Variants in DNAH1 observed in about 807,000 individuals in gnomAD.
DNAH1 encodes the protein dynein axonemal heavy chain 1.
In DNAH1, 327 loss-of-function variants were observed where a neutral mutation model predicts 484.3. That is an observed-to-expected ratio of 0.68 (90% confidence interval 0.62 to 0.74). The LOEUF (loss-of-function observed/expected upper bound fraction) is 0.74, where lower values mean the gene tolerates loss of function less well. Ranked by LOEUF, DNAH1 falls within the 30% of genes least tolerant of loss-of-function variation. DNAH1 has a pLI of 0.00. For synonymous variants in DNAH1, 2,192 were observed against 2,191.9 expected, an observed-to-expected ratio of 1.00 and a Z score of 0.00; for missense variants, 5,052 against 5,546.8, an observed-to-expected ratio of 0.91 and a Z score of 2.83.
intron 22 of DNAH1, 80 bp downstream of exon 22, chr3:52,356,858 C>T: frequency 1.3e-6 from 2 of 1,487,602 alleles, no homozygotes; most frequent in Non-Finnish European, 1.8e-6. Context: ...CTAGTCTCTT[C>T]CCTCCCTACA....
At chr3:52,378,807 A>G in intron 47 of DNAH1, 27 bp downstream of exon 47, 1 of 1,612,696 alleles carries the variant, frequency 6.2e-7, no homozygotes, top group Non-Finnish European at 8.5e-7. Context: ...CACCCTCCCC[A>G]GTGCCCACAC....
intron 8 of DNAH1, among the ~76,000 whole-genome samples, chr3:52,342,141 GC>G (rs1445040210): frequency 6.6e-6 from 1 of 152,234 alleles, no homozygotes; most frequent in Non-Finnish European, 1.5e-5. Context: ...GGCAGAAGGA[GC>G]AGCAGTGCAG....
rs1704237435 is a variant in DNAH1 at position 52,388,825 on chromosome 3, A to T, written c.9383A>T (p.Asp3128Val). 1 of 1,613,564 alleles carries T rather than the reference A, an allele frequency of 6.2e-7. No individual in the cohort carries two copies. The highest frequency in any genetic ancestry group is 1.7e-5 in the Admixed American group (1 of 60,002). The change falls in exon 59 of 78, where the codon GAT becomes GTT. Residue 3128 changes from aspartate to valine, a missense_variant. Physicochemically the swap from Asp to Val is radical, Grantham distance 152. This residue lies in a region of DNAH1 where 2,929 missense variants were observed against 3,409.4 expected (regional missense o/e 0.86). Coordinates refer to ENST00000420323, the MANE Select transcript of DNAH1 (RefSeq NM_015512.5). Reference protein sequence around the residue: ...RAGKLINGLSDEKVRWQETVE... With the variant: ...RAGKLINGLSVEKVRWQETVE... ...CTCCAGCTCATCAACGGGCTGTCGG[A>T]TGAGAAGGTGCGCTGGCAGGAGACG...
At chr3:52,382,585 C>A in intron 50 of DNAH1, 130 bp downstream of exon 50, 1 of 1,439,594 alleles carries the variant, frequency 6.9e-7, no homozygotes, top group Non-Finnish European at 9.3e-7. Flanking sequence ...AAGAGACCAC[C>A]AGGACCAGGT....
In DNAH1 at chr3:52,399,016, C is replaced by G. The variant is rs780807887; in HGVS notation, c.12256C>G (p.Leu4086Val). Reference sequence around the variant, plus strand: ...CAAGGCCTACCCATCGCTCAAGCCTCTGTCATCATGGGTCATGGACCTGCT... The same window carrying G: ...CAAGGCCTACCCATCGCTCAAGCCTGTGTCATCATGGGTCATGGACCTGCT... ...SAKAYPSLKP[L>V]SSWVMDLLQR... The change falls in exon 76 of 78, where the codon CTG (leucine) becomes GTG (valine). Residue 4086 changes from leucine to valine, a missense_variant. Leu to Val is a conservative substitution (Grantham distance 32). This residue lies in a region of DNAH1 where 853 missense variants were observed against 899.0 expected (regional missense o/e 0.95). Transcript: ENST00000420323. 1 of 1,614,046 alleles carries G rather than the reference C, an allele frequency of 6.2e-7. No individual in the cohort carries two copies. Among genetic ancestry groups the G allele is most frequent in the Non-Finnish European group, 8.5e-7 (1 of 1,179,898 alleles).
intron 44 of DNAH1, chr3:52,374,249 A>G: frequency 6.8e-7 from 1 of 1,470,664 alleles, no homozygotes. Context: ...ATTGGGAAGT[A>G]TAATTAATGG....
intron 4 of DNAH1, 115 bp from the exon 5 acceptor site, chr3:52,326,620 A>T: frequency 7.7e-7 from 1 of 1,304,066 alleles, no homozygotes; most frequent in South Asian, 1.5e-5. Flanking sequence ...AGGGCTCCAG[A>T]GGGGTCTCTC....
rs771498640 is a variant in DNAH1, at chr3:52,352,573, A to C, written c.2893A>C (p.Ile965Leu). The change falls in exon 18 of 78, where the codon ATC becomes CTC. Residue 965 changes from isoleucine (I) to leucine (L), a missense_variant. Ile to Leu is a conservative substitution (Grantham distance 5). Coordinates refer to ENST00000420323, the MANE Select transcript of DNAH1 (RefSeq NM_015512.5). ...GCAGCTGGTAGTAGCTGGCTTCTCC[A>C]TCCATGTGGAGATTTCACGTGCACA... ...GLQLVVAGFSIHVEISRAHEI... is the reference protein window; with the variant it reads ...GLQLVVAGFSLHVEISRAHEI... 7 of 1,610,644 alleles carry C rather than the reference A, an allele frequency of 4.3e-6. No homozygotes were observed. The African/African-American group carries it at 9.4e-5, about 22-fold the overall frequency.
At position 52,347,942 on chromosome 3, in the gene DNAH1, C is replaced by T. The variant is rs1219767239; in HGVS notation, c.2074C>T (p.Leu692=). The T allele has an allele frequency of 1.9e-6, 3 of 1,610,866 alleles. No homozygotes were observed. Among genetic ancestry groups the T allele is most frequent in the Non-Finnish European group, 2.5e-6 (3 of 1,178,586 alleles). The change falls in exon 12 of 78, where the codon CTG becomes TTG. Residue 692 remains leucine, a synonymous_variant. Transcript: ENST00000420323. The part of the protein sequence containing the change: ...SLLNLFDKGI[L]ATHAVPQLEK... ...GCTGAACCTCTTCGACAAGGGCATCCTGGCCACCCATGCCGTGCCCCAGCT... is the reference window on the plus strand; with the variant it reads ...GCTGAACCTCTTCGACAAGGGCATCTTGGCCACCCATGCCGTGCCCCAGCT...
At position 52,395,307 on chromosome 3, in the gene DNAH1, G is replaced by A; in HGVS notation, c.10969-1G>A. The A allele has an allele frequency of 4.3e-6, 7 of 1,613,146 alleles. No homozygotes were observed. The highest frequency in any genetic ancestry group is 5.9e-6 in the Non-Finnish European group (7 of 1,179,622). On this transcript the variant is annotated splice_acceptor_variant, in intron 68 of 77. Transcript: ENST00000420323. LOFTEE classifies it high-confidence loss of function. The surrounding 1 kb of genome is among the most constrained non-coding windows in gnomAD (Gnocchi z 4.4). ...CTCAGCATCTCCCCCTGCCCTTGCAGACAGCCAATCTGTCAGTGGTGTTCA... is the reference window on the plus strand; with the variant it reads ...CTCAGCATCTCCCCCTGCCCTTGCAAACAGCCAATCTGTCAGTGGTGTTCA...
At chr3:52,350,211 T>C in intron 15 of DNAH1, 103 bp downstream of exon 15, 1 of 1,501,546 alleles carries the variant, frequency 6.7e-7, no homozygotes, top group Admixed American at 2.0e-5. Flanking sequence ...CTCAGGAGGC[T>C]GAGGGTAAGG....
At position 52,326,902 on chromosome 3, in the gene DNAH1, C is replaced by T. The variant is rs1379792292; in HGVS notation, c.738+11C>T. 5 of 1,609,880 alleles carry T rather than the reference C, an allele frequency of 3.1e-6. No individual in the cohort carries two copies. The highest frequency in any genetic ancestry group is 4.2e-6 in the Non-Finnish European group (5 of 1,177,730). Reference sequence around the variant, plus strand: ...TACCTCCCACTGAAGGTGAGCCGGGCTTCCACAGATGGTTGAGAGACAGGG... The same window carrying T: ...TACCTCCCACTGAAGGTGAGCCGGGTTTCCACAGATGGTTGAGAGACAGGG... On this transcript the variant is annotated intron_variant, in intron 5 of 77. Coordinates refer to ENST00000420323, the MANE Select transcript of DNAH1 (RefSeq NM_015512.5).
At chr3:52,323,305 T>G in intron 2 of DNAH1, among the ~76,000 whole-genome samples, 2 of 143,946 alleles carry the variant, frequency 1.4e-5, no homozygotes, top group African/African-American at 2.6e-5. Flanking sequence ...AGGGGAGAGA[T>G]CGAGGGAGGA....
chr3:52,350,154 G>C, intron 15 of DNAH1, 46 bp downstream of exon 15: 1 of 1,593,706 alleles, frequency 6.3e-7, no homozygotes, highest in Non-Finnish European at 8.5e-7. Context: ...CACAGGGCTG[G>C]TGTTAAGAGT....
At chr3:52,380,176 T>C (rs1191339859) in intron 48 of DNAH1, 41 bp downstream of exon 48, 4 of 1,524,638 alleles carry the variant, frequency 2.6e-6, no homozygotes, top group African/African-American at 1.4e-5. Context: ...GGTGGGGTCC[T>C]CTTCAATCTG....
Position 52,384,953 on chromosome 3 carries a change from C to G in DNAH1, c.8490C>G (p.Asn2830Lys), listed in dbSNP as rs764704201. The G allele has an allele frequency of 6.2e-7, 1 of 1,613,474 alleles. No individual in the cohort carries two copies. Among genetic ancestry groups the G allele is most frequent in the Non-Finnish European group, 8.5e-7 (1 of 1,179,682 alleles). The stretch of plus-strand genomic sequence containing the variant: ...AACTGGAGCTGAAAACTGCCAAGAA[C>G]CGCATGAAGAGCGGCCTCGACAAGG... ...QKKLELKTAKNRMKSGLDKLL... is the reference protein window; with the variant it reads ...QKKLELKTAKKRMKSGLDKLL... Residue 2830 changes from asparagine to lysine, a missense_variant, in exon 53 of 78, where the codon AAC becomes AAG. Around this residue, in one of 4 missense-constraint regions of DNAH1, gnomAD observed 2,929 missense variants for 3,409.4 expected, o/e 0.86. Transcript: ENST00000420323.
Position 52,323,900 on chromosome 3 carries a change from G to C in DNAH1, c.406+20G>C. On this transcript the variant is annotated intron_variant, in intron 3 of 77. Coordinates refer to ENST00000420323, the MANE Select transcript of DNAH1 (RefSeq NM_015512.5). ...CAAGAGGTCAGTGCTCAGGAGGGCT[G>C]TGTGAGTGGGTCCCGGTAGGTATTT... The C allele has an allele frequency of 6.4e-7, 1 of 1,552,188 alleles. No homozygotes were observed. The highest frequency in any genetic ancestry group is 8.7e-7 in the Non-Finnish European group (1 of 1,144,386).
At chr3:52,389,043 C>T (rs1704249241) in intron 59 of DNAH1, 106 bp downstream of exon 59, 5 of 1,317,236 alleles carry the variant, frequency 3.8e-6, no homozygotes. Flanking sequence ...TGGCTCTCCG[C>T]TCACTCAGTC....
At chr3:52,314,058 A>G (rs555837735), upstream of DNAH1, among the ~76,000 whole-genome samples, 5 of 152,160 alleles carry the variant, frequency 3.3e-5, no homozygotes, top group Non-Finnish European at 7.4e-5. Context: ...GGGCTCAGCT[A>G]AGCCTCAGCA....
Sources: allele counts gnomAD v4.1 joint callset (sites outside exome capture counted in the v4.1 genomes callset), GRCh38; gene constraint gnomAD v4.1.1; regional missense constraint gnomAD v4.1.1; non-coding constraint Gnocchi (gnomAD v3.1); transcripts MANE v1.5; gene names NCBI Gene and HGNC (gene_info 2026-07-23, HGNC 2026-07-21).